The following ANK1 variants were observed in gnomAD, a reference collection of about 807,000 sequenced individuals.
ANK1 encodes the protein ankyrin-1.
In ANK1, 51 loss-of-function variants were observed where a neutral mutation model predicts 210.4. The observed-to-expected ratio is 0.24, with a 90% CI of 0.19 to 0.31. The LOEUF is 0.31. Among genes scored for constraint, ANK1 ranks in the 10% least tolerant of loss-of-function variants. The pLI is 1.00. For missense variants in ANK1, 2,051 were observed against 2,504.4 expected (o/e 0.82, Z 3.86); for synonymous variants, 967 against 1,025.9 (o/e 0.94, Z 1.10).
At chr8:41,889,175 C>T (rs1269729302) in intron 1 of ANK1, among the ~76,000 whole-genome samples, 1 of 152,196 alleles carries the variant, frequency 6.6e-6, no homozygotes, top group Non-Finnish European at 1.5e-5. Context: ...TGACTCTTCT[C>T]TCAGTGCCTA....
At chr8:41,873,494 A>C (rs1412291566) in intron 1 of ANK1, among the ~76,000 whole-genome samples, 4 of 152,244 alleles carry the variant, frequency 2.6e-5, no homozygotes, top group African/African-American at 4.8e-5. Flanking sequence ...TTTTGCAGAC[A>C]AGAAACTGAG....
intron 39 of ANK1, among the ~76,000 whole-genome samples, chr8:41,667,336 G>A (rs1426869980): frequency 6.6e-6 from 1 of 152,212 alleles, no homozygotes; most frequent in Non-Finnish European, 1.5e-5. Context: ...GGAAGGAGAG[G>A]AGAGGAGGAA....
chr8:41,797,561 G>A lies in ANK1; in HGVS notation c.-23C>T, dbSNP rs779009537. 4.7e-5 allele frequency: 76 copies of A among 1,612,980 alleles called. No individual in the cohort carries two copies. Among genetic ancestry groups the A allele is most frequent in the Non-Finnish European group, 6.3e-5 (74 of 1,179,780 alleles). On this transcript the variant is annotated 5_prime_UTR_variant, in exon 1 of 43. Coordinates refer to ENST00000289734, the MANE Select transcript of ANK1 (RefSeq NM_000037.4). This position sits in a 1 kb window ranked among gnomAD's most constrained non-coding sequence, Gnocchi z 4.0. ...CATGCCGGTCTTTCAGCAGGGGCCC[G>A]CCGAAGGGCCTTGGGGGCTTGAGGA...
intron 1 of ANK1, among the ~76,000 whole-genome samples, chr8:41,841,637 T>C (rs1014027980): frequency 6.6e-6 from 1 of 152,118 alleles, no homozygotes; most frequent in Non-Finnish European, 1.5e-5. Context: ...ATAATGATGG[T>C]TTCACAGGTG....
At chr8:41,757,945 G>T in intron 2 of ANK1, 91 bp downstream of exon 2, 1 of 1,192,232 alleles carries the variant, frequency 8.4e-7, no homozygotes, top group Non-Finnish European at 1.2e-6. Context: ...ACTGAGAAAA[G>T]GTTAATAGAG....
intron 3 of ANK1, among the ~76,000 whole-genome samples, chr8:41,732,701 C>T (rs1586555955): frequency 6.6e-6 from 1 of 151,678 alleles, no homozygotes; most frequent in South Asian, 2.1e-4. Flanking sequence ...GTATGAGCCA[C>T]CACGTCCAGC....
At chr8:41,666,637 G>A (rs186654630) in intron 39 of ANK1, among the ~76,000 whole-genome samples, 322 of 152,358 alleles carry the variant, frequency 2.1e-3, no homozygotes, top group Non-Finnish European at 2.1e-3. Flanking sequence ...CAGAGGTCCA[G>A]TGGAAATACT....
At chr8:41,748,375 T>A (rs1836704011) in intron 2 of ANK1, among the ~76,000 whole-genome samples, 1 of 152,172 alleles carries the variant, frequency 6.6e-6, no homozygotes, top group South Asian at 2.1e-4. Context: ...TGTCAACAGT[T>A]CCTAAGAAAA....
chr8:41,655,644 G>C lies in ANK1; in HGVS notation c.*146C>G. 2 of 1,530,504 alleles carry C rather than the reference G, an allele frequency of 1.3e-6. No homozygotes were observed. Among genetic ancestry groups the C allele is most frequent in the Non-Finnish European group, 1.8e-6 (2 of 1,105,866 alleles). The allele number at this position is 1,530,504 out of a possible 1,614,324, so 94.8% of individuals were successfully genotyped here. ...AGGAGTCCCTTACAGAGGTCATGCC[G>C]TCAGCCCAGAGGAATGTGTGCACCG... On this transcript the variant is annotated 3_prime_UTR_variant, in exon 43 of 43. Coordinates refer to ENST00000289734, the MANE Select transcript of ANK1 (RefSeq NM_000037.4).
chr8:41,773,330 AT>A (rs1167621329), intron 1 of ANK1, among the ~76,000 whole-genome samples: 1 of 152,070 alleles, frequency 6.6e-6, no homozygotes, highest in East Asian at 1.9e-4. Context: ...CCTGGAGTCT[AT>A]TTTTAAACCC....
chr8:41,708,726 C>T (rs1586311025), intron 17 of ANK1, 52 bp downstream of exon 17: 1 of 1,597,040 alleles, frequency 6.3e-7, no homozygotes, highest in East Asian at 2.2e-5. Context: ...TATGAAGACA[C>T]CACACGTTGT....
intron 42 of ANK1, chr8:41,660,559 C>T: frequency 2.2e-6 from 1 of 461,346 alleles, no homozygotes. Context: ...CAGCACCACA[C>T]ACACCTGCTG....
intron 1 of ANK1, among the ~76,000 whole-genome samples, chr8:41,857,114 A>G (rs545376436): frequency 4.0e-5 from 6 of 151,570 alleles, no homozygotes; most frequent in Non-Finnish European, 7.4e-5. Context: ...CCTGACCTCA[A>G]AATGATTCGC....
chr8:41,886,900 G>A (rs1818534119), intron 1 of ANK1, among the ~76,000 whole-genome samples: 1 of 152,204 alleles, frequency 6.6e-6, no homozygotes, highest in African/African-American at 2.4e-5. Flanking sequence ...GGCTGCAGAA[G>A]GGAGTATTAG....
intron 1 of ANK1, among the ~76,000 whole-genome samples, chr8:41,849,211 C>T (rs1415185940): frequency 6.6e-6 from 1 of 152,230 alleles, no homozygotes; most frequent in East Asian, 1.9e-4. Flanking sequence ...TGAGGCTGCC[C>T]TGATGTCTGC....
At chr8:41,787,316 T>A (rs899173038) in intron 1 of ANK1, among the ~76,000 whole-genome samples, 4 of 152,216 alleles carry the variant, frequency 2.6e-5, no homozygotes, top group African/African-American at 9.6e-5. Context: ...TCACACCCAT[T>A]TGGTAATGAA....
chr8:41,776,141 CAACCT>C (rs1182340249), intron 1 of ANK1, among the ~76,000 whole-genome samples: 1 of 152,154 alleles, frequency 6.6e-6, no homozygotes, highest in Non-Finnish European at 1.5e-5. Context: ...CACCATTCTG[CAACCT>C]AAGGTATTTT....
intron 37 of ANK1, among the ~76,000 whole-genome samples, chr8:41,677,957 A>AT (rs1554529535): frequency 6.6e-6 from 1 of 151,868 alleles, no homozygotes; most frequent in Non-Finnish European, 1.5e-5. Context: ...TACATAACAC[A>AT]TTTTTTTCCC....
At chr8:41,773,805 G>A (rs889724017) in intron 1 of ANK1, among the ~76,000 whole-genome samples, 14 of 152,088 alleles carry the variant, frequency 9.2e-5, no homozygotes, top group African/African-American at 3.1e-4. Context: ...GTTCCCCACG[G>A]CCACGGTGCC....
Sources: allele counts gnomAD v4.1 joint callset (sites outside exome capture counted in the v4.1 genomes callset), GRCh38; gene constraint gnomAD v4.1.1; non-coding constraint Gnocchi (gnomAD v3.1); transcripts MANE v1.5; gene names NCBI Gene and HGNC (gene_info 2026-07-23, HGNC 2026-07-21).